Variants in IQSEC2 observed in about 807,000 individuals in gnomAD.
IQSEC2 encodes IQ motif and SEC7 domain-containing protein 2.
IQSEC2 carries 6 observed loss-of-function variants against 74.6 expected under a neutral mutation model. The ratio of observed to expected loss-of-function variants is 0.08; its 90% CI spans 0.04 to 0.16. The LOEUF is 0.16. Ranked by LOEUF, IQSEC2 falls within the 10% of genes least tolerant of loss-of-function variation. IQSEC2 has a pLI of 1.00. For missense variants in IQSEC2, 734 were observed against 1,306.2 expected (o/e 0.56, Z 6.75); for synonymous variants, 494 against 544.5 (o/e 0.91, Z 1.29).
At chrX:53,282,134 T>C (rs1339220112) in intron 2 of IQSEC2, among the ~76,000 whole-genome samples, 1 of 112,801 alleles carries the variant, frequency 8.9e-6, no homozygotes, top group Non-Finnish European at 1.9e-5. Context: ...CAATATTCTT[T>C]CTCACTGCAA....
At chrX:53,253,946 T>TTC (rs1569304679) in intron 4 of IQSEC2, among the ~76,000 whole-genome samples, 2 of 111,781 alleles carry the variant, frequency 1.8e-5, no homozygotes, top group African/African-American at 6.5e-5. Context: ...TGAGAACTTT[T>TTC]TTCTTATTTG....
At chrX:53,227,451 C>G (rs2074047412), downstream of IQSEC2, 1 of 280,098 alleles carries the variant, frequency 3.6e-6, no homozygotes, top group African/African-American at 2.8e-5. Flanking sequence ...GTCGTTTGCC[C>G]TCACCAGGAG....
At chrX:53,271,996 C>T (rs1479616402) in intron 2 of IQSEC2, among the ~76,000 whole-genome samples, 1 of 111,431 alleles carries the variant, frequency 9.0e-6, no homozygotes, top group African/African-American at 3.3e-5. Context: ...GACCCATGCA[C>T]CCCAGGTTAG....
At chrX:53,237,380 C>T (rs1401250266) in intron 12 of IQSEC2, 1 of 112,027 alleles carries the variant, frequency 8.9e-6, no homozygotes, top group Non-Finnish European at 1.9e-5. Flanking sequence ...ATCCCTGCCT[C>T]GCTGAGAAGT....
At chrX:53,267,547 C>T (rs1373612245) in intron 2 of IQSEC2, among the ~76,000 whole-genome samples, 1 of 111,723 alleles carries the variant, frequency 9.0e-6, no homozygotes, top group African/African-American at 3.3e-5. Context: ...AGCTCCAAGT[C>T]TCAGACTCAT....
intron 6 of IQSEC2, among the ~76,000 whole-genome samples, 188 bp downstream of exon 6, chrX:53,248,533 A>C (rs782552665): frequency 9.0e-6 from 1 of 111,644 alleles, no homozygotes; most frequent in Non-Finnish European, 1.9e-5. Flanking sequence ...GGCCACCCAG[A>C]AGACTTTAGG....
chrX:53,280,280 A>C (rs1424233385), intron 2 of IQSEC2, among the ~76,000 whole-genome samples: 1 of 110,292 alleles, frequency 9.1e-6, no homozygotes, highest in Non-Finnish European at 1.9e-5. Flanking sequence ...GGATGGAGGA[A>C]GGAGAAGCTC....
downstream of IQSEC2, chrX:53,228,995 A>G (rs1380434305): frequency 8.9e-6 from 1 of 112,898 alleles, no homozygotes; most frequent in Non-Finnish European, 1.9e-5. Context: ...CCACATTGAT[A>G]TAAGTAAATA....
At chrX:53,267,036 C>T (rs1434133796) in intron 2 of IQSEC2, 3 of 1,151,987 alleles carry the variant, frequency 2.6e-6, no homozygotes, top group Non-Finnish European at 3.4e-6. Flanking sequence ...TCTTCCTCTT[C>T]CTCAGTCTCC....
At chrX:53,268,371 C>T (rs2074691507) in intron 2 of IQSEC2, among the ~76,000 whole-genome samples, 1 of 111,407 alleles carries the variant, frequency 9.0e-6, no homozygotes, top group Admixed American at 9.5e-5. Flanking sequence ...TCAGAGCTCC[C>T]TCTGACACAT....
At chrX:53,236,574 T>A in intron 12 of IQSEC2, 79 bp from the exon 13 acceptor site, 1 of 1,033,005 alleles carries the variant, frequency 9.7e-7, no homozygotes, top group Non-Finnish European at 1.3e-6. Context: ...TAGCCCTCCA[T>A]GGGCCATTCT....
At chrX:53,269,951 C>T (rs782032621) in intron 2 of IQSEC2, among the ~76,000 whole-genome samples, 2 of 110,519 alleles carry the variant, frequency 1.8e-5, no homozygotes, top group East Asian at 5.7e-4. Context: ...CTTCCCTACG[C>T]GTTGGTTTCC....
intron 1 of IQSEC2, among the ~76,000 whole-genome samples, chrX:53,294,677 T>C (rs995539916): frequency 4.5e-5 from 5 of 111,881 alleles, no homozygotes; most frequent in Admixed American, 3.8e-4. Flanking sequence ...CCCCAAAGTT[T>C]ATCTCTTTTA....
intron 1 of IQSEC2, among the ~76,000 whole-genome samples, chrX:53,311,175 A>G (rs2075319438): frequency 9.9e-6 from 1 of 101,224 alleles, no homozygotes; most frequent in African/African-American, 3.5e-5. Context: ...TGGCATTCAT[A>G]CTAGGGTGAC....
At chrX:53,239,067 A>T (rs781898332) in intron 11 of IQSEC2, 128 bp downstream of exon 11, 299 of 529,936 alleles carry the variant, frequency 5.6e-4, no homozygotes, top group Admixed American at 7.5e-4. Flanking sequence ...CCTGGGACCA[A>T]GTAGGTGCTT....
chrX:53,298,737 T>C (rs782745578), intron 1 of IQSEC2, among the ~76,000 whole-genome samples: 4 of 111,705 alleles, frequency 3.6e-5, no homozygotes, highest in Non-Finnish European at 7.5e-5. Flanking sequence ...AGTTCCTCAA[T>C]TGATCCTCCA....
Position 53,251,016 on chromosome X carries a change from C to T in IQSEC2, c.1560G>A (p.Leu520=). The T allele has an allele frequency of 8.3e-7, 1 of 1,211,823 alleles. No individual in the cohort carries two copies. The highest frequency in any genetic ancestry group is 1.1e-6 in the Non-Finnish European group (1 of 895,514). The change falls in exon 5 of 15, where the codon CTG becomes CTA. Residue 520 remains leucine, a synonymous_variant. Transcript: ENST00000642864. ...ATSFSDLPLY[L]DDTVPQQSPE... is the part of the protein sequence containing the mutation. The stretch of plus-strand genomic sequence containing the variant: ...GGGATTGTTGGGGAACTGTGTCATC[C>T]AGGTAGAGGGGAAGATCACTGAAGG...
At chrX:53,242,208 C>T (rs1306221656) in intron 9 of IQSEC2, among the ~76,000 whole-genome samples, 4 of 109,973 alleles carry the variant, frequency 3.6e-5, no homozygotes, top group Non-Finnish European at 1.9e-5. Flanking sequence ...CCGAGGCGAG[C>T]GGATCACTTG....
chrX:53,301,669 G>A (rs782628689), intron 1 of IQSEC2, among the ~76,000 whole-genome samples: 16 of 111,949 alleles, frequency 1.4e-4, no homozygotes, highest in Non-Finnish European at 3.0e-4. Flanking sequence ...ATATCTCAAG[G>A]CTCCATATGA....
Sources: allele counts gnomAD v4.1 joint callset (sites outside exome capture counted in the v4.1 genomes callset), GRCh38; gene constraint gnomAD v4.1.1; transcripts MANE v1.5; gene names NCBI Gene and HGNC (gene_info 2026-07-23, HGNC 2026-07-21).